The following ADGRL3 variants were observed in gnomAD, a reference collection of about 807,000 sequenced individuals.
ADGRL3 encodes adhesion G protein-coupled receptor L3, also known as calcium-independent alpha-latrotoxin receptor 3.
A neutral mutation model predicts 153.5 loss-of-function variants in ADGRL3; 62 were observed. The observed-to-expected ratio is 0.40, with a 90% CI of 0.33 to 0.50. The LOEUF is 0.50. ADGRL3 is among the 20% of genes least tolerant of loss of function. The probability of loss-of-function intolerance (pLI) is 0.47; values close to 1 mark genes in which losing one functional copy is unlikely to be tolerated. For synonymous variants in ADGRL3, 710 were observed against 672.5 expected, an observed-to-expected ratio of 1.06 and a Z score of -0.86; for missense variants, 1,641 against 1,859.4, an observed-to-expected ratio of 0.88 and a Z score of 2.16.
At chr4:61,874,957 C>A (rs1020941951) in intron 9 of ADGRL3, among the ~76,000 whole-genome samples, 3 of 150,866 alleles carry the variant, frequency 2.0e-5, no homozygotes, top group Non-Finnish European at 3.0e-5. Flanking sequence ...TACAGGCGCC[C>A]ACCACCGCGC....
chr4:61,456,482 T>TATATAGATATATCTATATCTATAG (rs1553934180), intron 2 of ADGRL3, among the ~76,000 whole-genome samples: 48 of 126,252 alleles, frequency 3.8e-4, no homozygotes, highest in Non-Finnish European at 4.5e-4. Context: ...TATATCTATA[T>TATATAGATATATCTATATCTATAG]ATATAGATAT....
intron 4 of ADGRL3, among the ~76,000 whole-genome samples, chr4:61,582,800 A>G (rs2098931436): frequency 6.6e-6 from 1 of 152,016 alleles, no homozygotes; most frequent in Non-Finnish European, 1.5e-5. Context: ...TTGAATAGAT[A>G]TGAAATGACC....
intron 25 of ADGRL3, among the ~76,000 whole-genome samples, chr4:62,045,058 T>G (rs943389977): frequency 6.6e-6 from 1 of 152,076 alleles, no homozygotes; most frequent in African/African-American, 2.4e-5. Flanking sequence ...GAAAAGATAC[T>G]TTTGGGTATA....
intron 5 of ADGRL3, among the ~76,000 whole-genome samples, chr4:61,644,822 T>C (rs1023949628): frequency 2.0e-5 from 3 of 152,130 alleles, no homozygotes; most frequent in African/African-American, 7.2e-5. Context: ...AGAGCTGAGT[T>C]CAATTCCTGG....
chr4:61,464,139 G>T (rs1029937057), intron 2 of ADGRL3, among the ~76,000 whole-genome samples: 4 of 152,198 alleles, frequency 2.6e-5, no homozygotes, highest in Admixed American at 1.3e-4. Flanking sequence ...TGCATAGTTT[G>T]TAGATCCATG....
chr4:61,709,670 T>A (rs575595153), intron 6 of ADGRL3, among the ~76,000 whole-genome samples: 1 of 152,290 alleles, frequency 6.6e-6, no homozygotes, highest in Non-Finnish European at 1.5e-5. Flanking sequence ...AAGCCTGGTC[T>A]CACAACCTTG....
chr4:61,685,839 A>T lies in ADGRL3; in HGVS notation c.583+8904A>T, dbSNP rs551695198. Among the ~76,000 whole-genome samples the T allele has an allele frequency of 2.6e-5, 4 of 152,302 alleles. No homozygotes were observed. In the East Asian group the frequency reaches 7.7e-4, roughly 29 times the overall value. ...TCTCTTTCTAATATATATTTTAGAA[A>T]ATATTACATTATACTACAGTAATAT... On this transcript the variant is annotated intron_variant, in intron 6 of 26. Transcript: ENST00000683033.
chr4:61,439,791 G>T (rs1323673898), intron 2 of ADGRL3, among the ~76,000 whole-genome samples: 1 of 152,030 alleles, frequency 6.6e-6, no homozygotes. Context: ...TTAATAAGAT[G>T]ACCTTGGAAG....
chr4:61,389,538 A>G (rs1270475976), intron 2 of ADGRL3, among the ~76,000 whole-genome samples: 1 of 152,230 alleles, frequency 6.6e-6, no homozygotes, highest in Non-Finnish European at 1.5e-5. Context: ...AGTGATTTCT[A>G]TAAATTTACA....
chr4:62,024,096 A>G (rs1716908727), intron 21 of ADGRL3, among the ~76,000 whole-genome samples: 1 of 152,152 alleles, frequency 6.6e-6, no homozygotes, highest in Non-Finnish European at 1.5e-5. Flanking sequence ...AACTTATATA[A>G]CATTGACTTG....
intron 2 of ADGRL3, among the ~76,000 whole-genome samples, chr4:61,469,082 C>T (rs1052670590): frequency 2.0e-5 from 3 of 151,940 alleles, no homozygotes; most frequent in Non-Finnish European, 4.4e-5. Context: ...TTTCTATGTT[C>T]CTATTGGGAA....
intron 1 of ADGRL3, among the ~76,000 whole-genome samples, chr4:61,377,263 C>T (rs1000813193): frequency 7.2e-5 from 11 of 152,014 alleles, no homozygotes; most frequent in African/African-American, 2.7e-4. Flanking sequence ...TGATAGTCAC[C>T]ACAATATATT....
intron 4 of ADGRL3, among the ~76,000 whole-genome samples, chr4:61,568,798 TCTTTAACTC>T (rs2098826873): frequency 6.6e-6 from 1 of 152,186 alleles, no homozygotes; most frequent in African/African-American, 2.4e-5. Flanking sequence ...TCCTTTTTCT[TCTTTAACTC>T]CTTTTTTCTC....
intron 3 of ADGRL3, among the ~76,000 whole-genome samples, chr4:61,515,528 C>A (rs2152893100): frequency 6.6e-6 from 1 of 152,142 alleles, no homozygotes; most frequent in Middle Eastern, 3.4e-3. Flanking sequence ...GTTTTCTTCA[C>A]CAAATTCTCC....
At chr4:61,288,493 G>A (rs192546064) in intron 1 of ADGRL3, among the ~76,000 whole-genome samples, 1 of 151,856 alleles carries the variant, frequency 6.6e-6, no homozygotes, top group African/African-American at 2.4e-5. Flanking sequence ...AGGTCTTGAC[G>A]TAACAACACT....
intron 9 of ADGRL3, among the ~76,000 whole-genome samples, chr4:61,847,426 G>A (rs1255752525): frequency 1.3e-5 from 2 of 149,424 alleles, no homozygotes; most frequent in South Asian, 2.1e-4. Context: ...AATCTATAGT[G>A]CCATTTTAAA....
intron 8 of ADGRL3, among the ~76,000 whole-genome samples, chr4:61,791,216 G>A (rs745806976): frequency 2.0e-5 from 3 of 152,114 alleles, no homozygotes; most frequent in Non-Finnish European, 4.4e-5. Context: ...CCACCTATGA[G>A]CCTGTAAAAT....
At chr4:61,577,416 T>A (rs531448710) in intron 4 of ADGRL3, among the ~76,000 whole-genome samples, 2 of 152,208 alleles carry the variant, frequency 1.3e-5, no homozygotes, top group Non-Finnish European at 2.9e-5. Flanking sequence ...TCTGTTAAAA[T>A]CTGCATGATT....
chr4:61,648,140 C>A (rs1168814156), intron 5 of ADGRL3, among the ~76,000 whole-genome samples: 1 of 151,966 alleles, frequency 6.6e-6, no homozygotes, highest in African/African-American at 2.4e-5. Flanking sequence ...TGCTAATCAG[C>A]TGTACCAAAG....
Sources: allele counts gnomAD v4.1 joint callset (sites outside exome capture counted in the v4.1 genomes callset), GRCh38; gene constraint gnomAD v4.1.1; transcripts MANE v1.5; gene names NCBI Gene and HGNC (gene_info 2026-07-23, HGNC 2026-07-21).